The following STON2 variants were observed in gnomAD, a reference collection of about 807,000 sequenced individuals.
STON2 encodes the protein stonin 2.
Under a neutral mutation model 65.7 loss-of-function variants are expected in STON2, and 29 were observed. That is an observed-to-expected ratio of 0.44 (90% CI 0.33 to 0.60). The LOEUF (loss-of-function observed/expected upper bound fraction) is 0.60, where lower values mean the gene tolerates loss of function less well. STON2 is among the 20% of genes least tolerant of loss of function. The pLI, the probability that STON2 is intolerant of heterozygous loss-of-function variation, is 0.03. For synonymous variants in STON2, 404 were observed against 414.2 expected, an observed-to-expected ratio of 0.98 and a Z score of 0.30; for missense variants, 1,054 against 1,118.1, an observed-to-expected ratio of 0.94 and a Z score of 0.82.
Position 81,337,109 on chromosome 14 carries a change from G to A in STON2, c.572-12922C>T, listed in dbSNP as rs1332626264. ...TGTCTGGCAGTGCCTGGCAAATGGCGGTGCTCAACAACCTCTGATTAAAAC... is the reference window on the plus strand; with the variant it reads ...TGTCTGGCAGTGCCTGGCAAATGGCAGTGCTCAACAACCTCTGATTAAAAC... On this transcript the variant is annotated intron_variant, in intron 4 of 7. Transcript: ENST00000614646. 2.7e-5 allele frequency among the ~76,000 whole-genome samples: 4 copies of A among 148,370 alleles called. No individual in the cohort carries two copies. In the East Asian group the frequency reaches 7.7e-4, roughly 29 times the overall value.
At chr14:81,430,028 C>T (rs1902163224) in intron 1 of STON2, among the ~76,000 whole-genome samples, 2 of 152,182 alleles carry the variant, frequency 1.3e-5, no homozygotes, top group African/African-American at 4.8e-5. Flanking sequence ...AGTGAATGGA[C>T]CTGAAAAGAC....
At chr14:81,290,631 G>A (rs1895519671) in intron 5 of STON2, among the ~76,000 whole-genome samples, 1 of 152,192 alleles carries the variant, frequency 6.6e-6, no homozygotes, top group Non-Finnish European at 1.5e-5. Context: ...GGCAAGTACT[G>A]CAAGCTGAAA....
At chr14:81,348,516 C>T (rs8006162) in intron 4 of STON2, among the ~76,000 whole-genome samples, 87,465 of 151,782 alleles carry the variant, frequency 0.58, 27,402 homozygotes, top group African/African-American at 0.82. Flanking sequence ...ACTACAAAAA[C>T]AATCCTGGGA....
intron 3 of STON2, among the ~76,000 whole-genome samples, chr14:81,382,933 C>T (rs1428305632): frequency 8.5e-5 from 13 of 152,258 alleles, no homozygotes; most frequent in South Asian, 4.1e-4. Flanking sequence ...GTTTATTTTT[C>T]GGCTTAGAAA....
chr14:81,275,279 T>C (rs1894768563), intron 6 of STON2, among the ~76,000 whole-genome samples: 1 of 152,152 alleles, frequency 6.6e-6, no homozygotes, highest in Non-Finnish European at 1.5e-5. Context: ...TATTTGTGTC[T>C]ATTTGGCTTC....
intron 3 of STON2, among the ~76,000 whole-genome samples, chr14:81,372,354 G>A (rs191994532): frequency 3.8e-4 from 58 of 152,096 alleles, no homozygotes; most frequent in African/African-American, 1.3e-3. Context: ...AGGAGCTCAA[G>A]ACCAGCCTGC....
rs776832867 is a variant in STON2, at chr14:81,277,332, C to T, written c.2150G>A (p.Arg717Gln). 263 of 1,614,040 alleles carry T rather than the reference C, an allele frequency of 1.6e-4. No individual in the cohort carries two copies. Among genetic ancestry groups the T allele is most frequent in the Non-Finnish European group, 2.1e-4 (248 of 1,180,030 alleles). ...ATCCAAAGGGTTGAACAGAATGACC[C>T]GTGAGTTGTGGAAAACATCCTCATC... ...CVDEDVFHNS[R>Q]VILFNPLDAC... is the part of the protein sequence containing the mutation. The change falls in exon 6 of 8, where the codon CGG becomes CAG. Residue 717 changes from arginine to glutamine, a missense_variant. Physicochemically the swap from Arg to Gln is conservative, Grantham distance 43. Transcript: ENST00000614646.
intron 1 of STON2, among the ~76,000 whole-genome samples, chr14:81,400,009 T>A (rs1393852555): frequency 2.0e-5 from 3 of 152,188 alleles, no homozygotes; most frequent in Non-Finnish European, 4.4e-5. Context: ...CTAACCCTGG[T>A]GTCACAGCCG....
chr14:81,344,834 G>T (rs908812960), intron 4 of STON2, among the ~76,000 whole-genome samples: 1 of 152,188 alleles, frequency 6.6e-6, no homozygotes, highest in African/African-American at 2.4e-5. Flanking sequence ...GGGATTAAAT[G>T]ATGTTTTTCA....
chr14:81,428,823 G>T (rs1377716234), intron 1 of STON2, among the ~76,000 whole-genome samples: 1 of 152,080 alleles, frequency 6.6e-6, no homozygotes, highest in South Asian at 2.1e-4. Flanking sequence ...ATCCCATTTG[G>T]TTTTTTTAAA....
In STON2 at chr14:81,302,325, A is replaced by G. The variant is rs1895998833; in HGVS notation, c.742+21692T>C. Among the ~76,000 whole-genome samples the G allele has an allele frequency of 2.6e-5, 4 of 152,210 alleles. No individual in the cohort carries two copies. The South Asian group carries it at 8.3e-4, about 32-fold the overall frequency. On this transcript the variant is annotated intron_variant, in intron 5 of 7. Coordinates refer to ENST00000614646, the MANE Select transcript of STON2 (RefSeq NM_001394390.1). ...GAGACAGTCTAATAAAGAAGGCCCA[A>G]AATGGCAGAACTTTCTCAATACACA...
chr14:81,284,315 T>C (rs943871500), intron 5 of STON2, among the ~76,000 whole-genome samples: 1 of 152,196 alleles, frequency 6.6e-6, no homozygotes, highest in Admixed American at 6.5e-5. Flanking sequence ...AGGCCTTCCA[T>C]GCCAGTTAAC....
At chr14:81,424,615 A>G (rs772185212) in intron 2 of STON2, among the ~76,000 whole-genome samples, 3 of 152,068 alleles carry the variant, frequency 2.0e-5, no homozygotes, top group Non-Finnish European at 4.4e-5. Context: ...GGACACTTCC[A>G]TTGTTTAAGG....
At chr14:81,395,191 A>G (rs1013760782) in intron 3 of STON2, 2 of 152,212 alleles carry the variant, frequency 1.3e-5, no homozygotes, top group African/African-American at 2.4e-5. Flanking sequence ...AACAAATCCT[A>G]TTGGTGACTT....
rs1022468241 is a variant in STON2 at position 81,268,312 on chromosome 14, G to A, written c.*102C>T. On this transcript the variant is annotated 3_prime_UTR_variant, in exon 8 of 8. Coordinates refer to ENST00000614646, the MANE Select transcript of STON2 (RefSeq NM_001394390.1). ...TCCCAACATGCAGTGGCCACAGCAG[G>A]TATTGACTGCAACTTCAGCTACTCA... 4 of 1,259,512 alleles carry A rather than the reference G, an allele frequency of 3.2e-6. No individual in the cohort carries two copies. The highest frequency in any genetic ancestry group is 4.1e-6 in the Non-Finnish European group (4 of 975,254). 78.0% of individuals were successfully genotyped at this position (1,259,512 alleles called of 1,614,324 possible).
chr14:81,327,276 G>T (rs533428160), intron 4 of STON2, among the ~76,000 whole-genome samples: 1 of 152,094 alleles, frequency 6.6e-6, no homozygotes, highest in Admixed American at 6.5e-5. Context: ...TACTGCAGTT[G>T]GTTCATAGGT....
intron 5 of STON2, among the ~76,000 whole-genome samples, chr14:81,315,187 C>T (rs913257633): frequency 6.6e-6 from 1 of 152,148 alleles, no homozygotes; most frequent in Admixed American, 6.5e-5. Context: ...ATTTGCTAAG[C>T]AATAATAGTA....
intron 1 of STON2, among the ~76,000 whole-genome samples, chr14:81,430,434 A>G (rs1179953390): frequency 6.6e-6 from 1 of 152,212 alleles, no homozygotes; most frequent in Non-Finnish European, 1.5e-5. Flanking sequence ...TCACTGAGCC[A>G]TTAGCAATCT....
At chr14:81,329,324 A>C (rs560800688) in intron 4 of STON2, among the ~76,000 whole-genome samples, 1 of 151,992 alleles carries the variant, frequency 6.6e-6, no homozygotes, top group South Asian at 2.1e-4. Flanking sequence ...GCGTGGTGGC[A>C]GGCGCCTGTA....
Sources: gnomAD v4.1 joint callset for allele counts (sites outside exome capture counted in the v4.1 genomes callset) on GRCh38, gnomAD v4.1.1 for gene constraint, MANE v1.5 for transcripts, NCBI Gene and HGNC (gene_info 2026-07-23, HGNC 2026-07-21) for gene names.